Variants in NKAIN3 observed in about 807,000 individuals in gnomAD.
NKAIN3 encodes sodium/potassium-transporting ATPase subunit beta-1-interacting protein 3.
In NKAIN3, 25 loss-of-function variants were observed where a neutral mutation model predicts 30.2. That is an observed-to-expected ratio of 0.83 (90% CI 0.60 to 1.16). NKAIN3 has a LOEUF of 1.16. Ranked by LOEUF, NKAIN3 falls within the 50% of genes most tolerant of loss-of-function variation. The pLI, the probability that NKAIN3 is intolerant of heterozygous loss-of-function variation, is 0.00. For missense variants in NKAIN3, 225 were observed against 254.1 expected, an observed-to-expected ratio of 0.89 and a Z score of 0.78; for synonymous variants, 91 against 89.6, an observed-to-expected ratio of 1.02 and a Z score of -0.09.
chr8:62,385,534 T>C (rs1169055174), intron 1 of NKAIN3, among the ~76,000 whole-genome samples: 2 of 152,230 alleles, frequency 1.3e-5, no homozygotes, highest in Non-Finnish European at 2.9e-5. Flanking sequence ...TTTTTAAATT[T>C]CATTTTCATT....
At chr8:62,802,475 A>C (rs1818102881) in intron 4 of NKAIN3, among the ~76,000 whole-genome samples, 1 of 152,318 alleles carries the variant, frequency 6.6e-6, no homozygotes, top group East Asian at 1.9e-4. Flanking sequence ...CAACATTCTT[A>C]TAGAATTTTC....
intron 1 of NKAIN3, among the ~76,000 whole-genome samples, chr8:62,568,617 C>A (rs543954146): frequency 6.6e-6 from 1 of 152,172 alleles, no homozygotes; most frequent in African/African-American, 2.4e-5. Flanking sequence ...ATGTAATATT[C>A]ATTCCTCTTT....
intron 5 of NKAIN3, among the ~76,000 whole-genome samples, chr8:62,930,897 TG>T (rs1822599759): frequency 6.6e-6 from 1 of 151,958 alleles, no homozygotes; most frequent in Admixed American, 6.6e-5. Flanking sequence ...TTAGTAGAGA[TG>T]GGGTTTCACC....
intron 1 of NKAIN3, among the ~76,000 whole-genome samples, chr8:62,552,327 A>C (rs827707): frequency 0.35 from 52,654 of 152,042 alleles, 9,358 homozygotes; most frequent in African/African-American, 0.43. Flanking sequence ...TATTCACAGC[A>C]TGAGTCTGAT....
intron 1 of NKAIN3, among the ~76,000 whole-genome samples, chr8:62,559,247 G>A (rs1293321936): frequency 6.6e-6 from 1 of 151,828 alleles, no homozygotes; most frequent in African/African-American, 2.4e-5. Context: ...CACTTTGGCT[G>A]TCCTTTGATT....
intron 1 of NKAIN3, among the ~76,000 whole-genome samples, chr8:62,367,399 G>A (rs2129592950): frequency 6.6e-6 from 1 of 152,330 alleles, no homozygotes; most frequent in East Asian, 1.9e-4. Context: ...TTTTGGGGCT[G>A]CAAGGATGGT....
At chr8:62,850,933 A>T (rs1354628769) in intron 4 of NKAIN3, among the ~76,000 whole-genome samples, 2 of 152,178 alleles carry the variant, frequency 1.3e-5, no homozygotes, top group Admixed American at 1.3e-4. Context: ...TGTCTTGGCT[A>T]TGTGGGGTCT....
intron 1 of NKAIN3, among the ~76,000 whole-genome samples, chr8:62,555,931 T>C (rs1809371945): frequency 6.6e-6 from 1 of 152,028 alleles, no homozygotes; most frequent in African/African-American, 2.4e-5. Context: ...GAAATTAAAA[T>C]GTGCCTAATG....
intron 5 of NKAIN3, among the ~76,000 whole-genome samples, chr8:62,993,784 G>T (rs1042967281): frequency 6.6e-6 from 1 of 152,150 alleles, no homozygotes; most frequent in African/African-American, 2.4e-5. Flanking sequence ...GGCAGCCTAT[G>T]TTTCTTTGTG....
intron 3 of NKAIN3, among the ~76,000 whole-genome samples, chr8:62,742,743 A>T (rs981034913): frequency 6.6e-6 from 1 of 152,204 alleles, no homozygotes; most frequent in African/African-American, 2.4e-5. Context: ...TAATTCATTG[A>T]TTTATGGTTT....
intron 3 of NKAIN3, among the ~76,000 whole-genome samples, chr8:62,637,131 A>G (rs1000505719): frequency 6.6e-6 from 1 of 152,248 alleles, no homozygotes; most frequent in Non-Finnish European, 1.5e-5. Context: ...AACAGCAGAC[A>G]TAACTAGGTA....
intron 4 of NKAIN3, among the ~76,000 whole-genome samples, chr8:62,896,939 T>A (rs1036518394): frequency 1.3e-5 from 2 of 152,166 alleles, no homozygotes; most frequent in African/African-American, 4.8e-5. Flanking sequence ...AAGAGGCAGC[T>A]GATAACATTC....
chr8:62,351,921 G>T (rs1816193474), intron 1 of NKAIN3, among the ~76,000 whole-genome samples: 1 of 152,186 alleles, frequency 6.6e-6, no homozygotes. Context: ...GAAGAAGCAG[G>T]TTTACAGAAG....
intron 4 of NKAIN3, among the ~76,000 whole-genome samples, chr8:62,754,812 T>C (rs1253073985): frequency 1.3e-5 from 2 of 152,204 alleles, no homozygotes; most frequent in African/African-American, 4.8e-5. Context: ...AAAGGCTGTA[T>C]AGCTATCTGT....
rs560399173 is a variant in NKAIN3 at position 62,972,064 on chromosome 8, T to A, written c.*6657T>A. Among the ~76,000 whole-genome samples, 1 of 152,344 alleles carries A rather than the reference T, an allele frequency of 6.6e-6. No individual in the cohort carries two copies. The highest frequency in any genetic ancestry group is 2.4e-5 in the African/African-American group (1 of 41,588). ...TTAATTCTTCTATGGTCATAACACT[T>A]GGCTATTTTATTTTGGTAGGGCCTT... is the stretch of plus-strand genomic sequence containing the variant. On this transcript the variant is annotated 3_prime_UTR_variant, in exon 7 of 7. Transcript: ENST00000623646.
chr8:62,395,370 G>C (rs368015225), intron 1 of NKAIN3, among the ~76,000 whole-genome samples: 4 of 152,118 alleles, frequency 2.6e-5, no homozygotes, highest in Admixed American at 2.0e-4. Flanking sequence ...AGGTGGTGGT[G>C]GGGGGTGGCC....
intron 3 of NKAIN3, among the ~76,000 whole-genome samples, chr8:62,640,637 A>G (rs979924484): frequency 1.3e-5 from 2 of 152,046 alleles, no homozygotes; most frequent in Non-Finnish European, 2.9e-5. Flanking sequence ...GCCCTGACCC[A>G]TATTAAAAGA....
At chr8:62,290,555 T>C (rs997859050) in intron 1 of NKAIN3, among the ~76,000 whole-genome samples, 10 of 152,228 alleles carry the variant, frequency 6.6e-5, no homozygotes, top group African/African-American at 4.8e-5. Context: ...TTGATTTGCA[T>C]ATGTTGAACC....
chr8:62,865,442 A>G (rs1820387441), intron 4 of NKAIN3, among the ~76,000 whole-genome samples: 1 of 152,110 alleles, frequency 6.6e-6, no homozygotes, highest in South Asian at 2.1e-4. Context: ...GCTTTGAAGT[A>G]CTGTTGTTTG....
Sources: allele counts gnomAD v4.1 joint callset (sites outside exome capture counted in the v4.1 genomes callset), GRCh38; gene constraint gnomAD v4.1.1; transcripts MANE v1.5; gene names NCBI Gene and HGNC (gene_info 2026-07-23, HGNC 2026-07-21).